EYS: variants seen among roughly 807,000 people sequenced by gnomAD.
EYS encodes EGF-like photoreceptor maintenance factor.
EYS carries 250 observed loss-of-function variants against 282.1 expected under a neutral mutation model. The observed-to-expected ratio is 0.89, with a 90% CI of 0.80 to 0.98. The LOEUF (loss-of-function observed/expected upper bound fraction) is 0.98, where lower values mean the gene tolerates loss of function less well. Ranked by LOEUF, EYS falls within the 50% of genes least tolerant of loss-of-function variation. The pLI, the probability that EYS is intolerant of heterozygous loss-of-function variation, is 0.00. For synonymous variants in EYS, 1,355 were observed against 1,282.9 expected (o/e 1.06, Z -1.20); for missense variants, 4,016 against 3,709.0 (o/e 1.08, Z -2.15).
At chr6:64,201,971 A>G (rs1479934946) in intron 31 of EYS, among the ~76,000 whole-genome samples, 2 of 152,180 alleles carry the variant, frequency 1.3e-5, no homozygotes, top group Non-Finnish European at 2.9e-5. Flanking sequence ...TGAACATGCT[A>G]CAATGCACAG....
rs111570465 is a variant in EYS, at chr6:64,668,588, C to A, written c.3444-42343G>T. 4.6e-3 allele frequency among the ~76,000 whole-genome samples: 562 copies of A among 123,420 alleles called. 4 individuals carry two copies. The highest frequency in any genetic ancestry group is 0.016 in the African/African-American group (521 of 33,448). The allele number at this position is 123,420 out of a possible 152,430, so 81.0% of individuals were successfully genotyped here. ...TTTTCGGGACAGAGTCTCGCTCTGT[C>A]GCCCAGGCTGGAGTGCAGTGGGCTG... On this transcript the variant is annotated intron_variant, in intron 22 of 42. Transcript: ENST00000503581.
chr6:64,403,513 C>T (rs910999938), intron 28 of EYS, among the ~76,000 whole-genome samples: 1 of 151,980 alleles, frequency 6.6e-6, no homozygotes, highest in African/African-American at 2.4e-5. Context: ...TGTGGCACCA[C>T]GCCCGGCTAA....
chr6:64,796,733 G>A (rs1311089412), intron 22 of EYS, among the ~76,000 whole-genome samples: 1 of 152,070 alleles, frequency 6.6e-6, no homozygotes, highest in Non-Finnish European at 1.5e-5. Context: ...AATTAATAAT[G>A]TGGAGTTGAA....
intron 28 of EYS, among the ~76,000 whole-genome samples, chr6:64,430,356 G>C (rs1024454381): frequency 6.6e-6 from 1 of 152,150 alleles, no homozygotes; most frequent in Non-Finnish European, 1.5e-5. Flanking sequence ...AGTACGCCGG[G>C]TGAATCCTGG....
At chr6:63,986,949 A>AG (rs1185148054) in intron 34 of EYS, among the ~76,000 whole-genome samples, 1 of 151,466 alleles carries the variant, frequency 6.6e-6, no homozygotes, top group African/African-American at 2.4e-5. Context: ...AAAACAAAAA[A>AG]AAGAAGTCAG....
At chr6:65,604,142 G>T (rs1291222317) in intron 2 of EYS, among the ~76,000 whole-genome samples, 1 of 151,754 alleles carries the variant, frequency 6.6e-6, no homozygotes, top group Non-Finnish European at 1.5e-5. Flanking sequence ...TACATAGTTT[G>T]GTTGGAATTA....
intron 29 of EYS, among the ~76,000 whole-genome samples, chr6:64,338,548 T>A (rs1022452045): frequency 1.3e-5 from 2 of 151,886 alleles, no homozygotes; most frequent in Admixed American, 6.6e-5. Flanking sequence ...ATTTGGAAAA[T>A]GACCATACTG....
chr6:64,296,595 T>A (rs1769030702), intron 30 of EYS, among the ~76,000 whole-genome samples: 2 of 5,068 alleles, frequency 3.9e-4, no homozygotes, highest in African/African-American at 6.6e-4. Flanking sequence ...CATATATATA[T>A]ATATTTTTTT....
At chr6:64,521,617 C>A (rs1442251752) in intron 26 of EYS, among the ~76,000 whole-genome samples, 1 of 151,704 alleles carries the variant, frequency 6.6e-6, no homozygotes, top group Non-Finnish European at 1.5e-5. Flanking sequence ...TAACACAGAA[C>A]TACAAAGGGC....
intron 22 of EYS, among the ~76,000 whole-genome samples, chr6:64,641,335 C>T (rs905210264): frequency 6.6e-6 from 1 of 152,112 alleles, no homozygotes; most frequent in Non-Finnish European, 1.5e-5. Flanking sequence ...AAAGAACCTC[C>T]ACCATAATTC....
intron 12 of EYS, among the ~76,000 whole-genome samples, chr6:65,159,305 T>C (rs1325321646): frequency 6.6e-6 from 1 of 150,880 alleles, no homozygotes; most frequent in Non-Finnish European, 1.5e-5. Flanking sequence ...GGTTCTATCA[T>C]CCAGTGACCT....
intron 18 of EYS, among the ~76,000 whole-genome samples, chr6:64,892,743 G>A (rs1349666770): frequency 6.6e-6 from 1 of 152,034 alleles, no homozygotes; most frequent in Non-Finnish European, 1.5e-5. Flanking sequence ...ATGTGGGTGT[G>A]AATCTGATTT....
At chr6:64,440,145 T>C (rs1269985503) in intron 26 of EYS, among the ~76,000 whole-genome samples, 4 of 151,894 alleles carry the variant, frequency 2.6e-5, no homozygotes, top group African/African-American at 4.8e-5. Context: ...TTTAAAACTT[T>C]CGAATTATGT....
chr6:65,631,781 C>T (rs114985706), intron 2 of EYS, among the ~76,000 whole-genome samples: 1,953 of 152,160 alleles, frequency 0.013, 30 homozygotes, highest in African/African-American at 0.043. Context: ...GTAAAATTTA[C>T]TAGTAGGTGT....
intron 29 of EYS, among the ~76,000 whole-genome samples, chr6:64,358,625 C>T (rs1771909373): frequency 6.6e-6 from 1 of 151,576 alleles, no homozygotes; most frequent in Non-Finnish European, 1.5e-5. Flanking sequence ...GCTCTCTTCA[C>T]TTTTCAGGGT....
At chr6:65,542,207 A>C (rs914594464) in intron 2 of EYS, among the ~76,000 whole-genome samples, 32 of 152,086 alleles carry the variant, frequency 2.1e-4, no homozygotes, top group Admixed American at 4.6e-4. Flanking sequence ...GCACTTCTTT[A>C]TTCCTAATTG....
chr6:65,164,408 G>T (rs1764923657), intron 12 of EYS, among the ~76,000 whole-genome samples: 1 of 147,596 alleles, frequency 6.8e-6, no homozygotes, highest in South Asian at 2.1e-4. Context: ...TACTTTTACT[G>T]CATTTGTTAT....
rs188694070 is a variant in EYS, at chr6:65,189,050, T to C, written c.2023+106813A>G. On this transcript the variant is annotated intron_variant, in intron 12 of 42. Coordinates refer to ENST00000503581, the MANE Select transcript of EYS (RefSeq NM_001142800.2). The stretch of plus-strand genomic sequence containing the variant: ...TCTATGAATACCTCTATCTTAATTA[T>C]ATAGTTACAGTTTTAATTTTTTTTA... Among the ~76,000 whole-genome samples the C allele has an allele frequency of 1.2e-3, 189 of 151,786 alleles. 1 individual carries two copies. The highest frequency in any genetic ancestry group is 4.4e-3 in the African/African-American group (182 of 41,492).
intron 12 of EYS, among the ~76,000 whole-genome samples, chr6:65,164,171 A>C (rs758438948): frequency 2.6e-5 from 4 of 151,438 alleles, no homozygotes; most frequent in Non-Finnish European, 4.4e-5. Flanking sequence ...TGTAAACTGC[A>C]TATTTGCAAG....
Sources: allele counts gnomAD v4.1 joint callset (sites outside exome capture counted in the v4.1 genomes callset), GRCh38; gene constraint gnomAD v4.1.1; transcripts MANE v1.5; gene names NCBI Gene and HGNC (gene_info 2026-07-23, HGNC 2026-07-21).